Variants in SPSB4 observed in about 807,000 individuals in gnomAD.
SPSB4 encodes the protein splA/ryanodine receptor domain and SOCS box containing 4.
In SPSB4, 21 loss-of-function variants were observed where a neutral mutation model predicts 20.9. The ratio of observed to expected loss-of-function variants is 1.01; its 90% confidence interval spans 0.71 to 1.45. The LOEUF (loss-of-function observed/expected upper bound fraction) is 1.45. Ranked by LOEUF, SPSB4 falls within the 40% of genes most tolerant of loss-of-function variation. The pLI is 0.00. For synonymous variants in SPSB4, 207 were observed against 183.8 expected (o/e 1.13, Z -1.02); for missense variants, 399 against 399.2 (o/e 1.00, Z 0.00).
At chr3:141,108,943 C>T (rs1938749191) in intron 2 of SPSB4, among the ~76,000 whole-genome samples, 1 of 152,202 alleles carries the variant, frequency 6.6e-6, no homozygotes, top group African/African-American at 2.4e-5. Flanking sequence ...GTCCAAGGTG[C>T]ATACGAGGAA....
Position 141,065,982 on chromosome 3 carries a change from G to C in SPSB4, c.-123G>C. 6 of 881,802 alleles carry C rather than the reference G, an allele frequency of 6.8e-6. No individual in the cohort carries two copies. The highest frequency in any genetic ancestry group is 9.7e-6 in the Non-Finnish European group (6 of 618,136). 54.6% of individuals were successfully genotyped at this position (881,802 alleles called of 1,614,324 possible). ...TGGGCCCCTGCCGCAGCCCGGTAGA[G>C]GCTGTGGAGGTCTACCGTCCGGAAG... On this transcript the variant is annotated 5_prime_UTR_variant, in exon 2 of 3. Coordinates refer to ENST00000310546, the MANE Select transcript of SPSB4 (RefSeq NM_080862.3).
At chr3:141,052,959 G>T (rs1936121580) in intron 1 of SPSB4, among the ~76,000 whole-genome samples, 1 of 152,230 alleles carries the variant, frequency 6.6e-6, no homozygotes, top group South Asian at 2.1e-4. Flanking sequence ...ACGGCTGCCG[G>T]CAGGAAGGAG....
At chr3:141,105,827 T>A (rs534625342) in intron 2 of SPSB4, among the ~76,000 whole-genome samples, 3 of 152,244 alleles carry the variant, frequency 2.0e-5, no homozygotes, top group African/African-American at 4.8e-5. Flanking sequence ...CTACGTTTTT[T>A]AAAAAAATTT....
intron 1 of SPSB4, among the ~76,000 whole-genome samples, chr3:141,055,793 G>A (rs1038059442): frequency 5.1e-4 from 78 of 152,316 alleles, no homozygotes; most frequent in African/African-American, 1.6e-3. Flanking sequence ...CAGATGTCCC[G>A]CAGGGCTGAG....
chr3:141,052,821 T>C (rs1282328310), intron 1 of SPSB4, among the ~76,000 whole-genome samples: 22 of 152,014 alleles, frequency 1.4e-4, no homozygotes, highest in Admixed American at 1.4e-3. Context: ...GCGCGGCAAA[T>C]GTGTCCGCCC....
chr3:141,086,237 A>C (rs570844786), intron 2 of SPSB4, among the ~76,000 whole-genome samples: 1 of 152,330 alleles, frequency 6.6e-6, no homozygotes, highest in South Asian at 2.1e-4. Context: ...AAAGGGGGTA[A>C]TACTACCTTC....
At chr3:141,116,028 CT>C (rs61549692) in intron 2 of SPSB4, among the ~76,000 whole-genome samples, 1,628 of 152,302 alleles carry the variant, frequency 0.011, 36 homozygotes, top group African/African-American at 0.037. Flanking sequence ...ATTAGAAGGC[CT>C]TCATATTAAG....
chr3:141,119,465 A>G (rs1026116334), intron 2 of SPSB4, among the ~76,000 whole-genome samples: 74 of 152,234 alleles, frequency 4.9e-4, no homozygotes, highest in African/African-American at 1.7e-3. Flanking sequence ...CTCTTTTCCT[A>G]ATTGAATACC....
At chr3:141,061,351 G>A (rs571315023) in intron 1 of SPSB4, among the ~76,000 whole-genome samples, 17 of 152,100 alleles carry the variant, frequency 1.1e-4, no homozygotes, top group African/African-American at 4.1e-4. Flanking sequence ...AATGAGATAG[G>A]AGAAAGAGGT....
At chr3:141,133,505 C>G (rs1237281130) in intron 2 of SPSB4, among the ~76,000 whole-genome samples, 1 of 152,138 alleles carries the variant, frequency 6.6e-6, no homozygotes, top group Non-Finnish European at 1.5e-5. Flanking sequence ...CATTCTTCAA[C>G]ATGTGACTTG....
Position 141,102,968 on chromosome 3 carries a change from A to G in SPSB4, c.694+36170A>G, listed in dbSNP as rs1171777300. On this transcript the variant is annotated intron_variant, in intron 2 of 2. Coordinates refer to ENST00000310546, the MANE Select transcript of SPSB4 (RefSeq NM_080862.3). ...GGACTCCCCTCTATTCCCAGACCCT[A>G]AAAGAGGATTTCCTGCAGCCCAAAC... Among the ~76,000 whole-genome samples, 6 of 152,280 alleles carry G rather than the reference A, an allele frequency of 3.9e-5. No homozygotes were observed. The East Asian group carries it at 9.6e-4, about 24-fold the overall frequency.
At chr3:141,115,513 A>G (rs534280547) in intron 2 of SPSB4, among the ~76,000 whole-genome samples, 86 of 152,308 alleles carry the variant, frequency 5.6e-4, no homozygotes, top group African/African-American at 2.0e-3. Flanking sequence ...CCCACTATTC[A>G]GTTAGGTTAC....
chr3:141,137,110 T>C (rs1939241907), intron 2 of SPSB4, among the ~76,000 whole-genome samples: 1 of 152,194 alleles, frequency 6.6e-6, no homozygotes, highest in South Asian at 2.1e-4. Context: ...CAACTTTGAA[T>C]GGGAGTTCAC....
chr3:141,101,620 T>C lies in SPSB4; in HGVS notation c.694+34822T>C, dbSNP rs528584418. ...TAAGGATTAAATAATAGAATGGGTA[T>C]AAACTGCCCAGGACGGTGCTGGCAC... On this transcript the variant is annotated intron_variant, in intron 2 of 2. Coordinates refer to ENST00000310546, the MANE Select transcript of SPSB4 (RefSeq NM_080862.3). Among the ~76,000 whole-genome samples the C allele has an allele frequency of 1.4e-4, 22 of 152,318 alleles. No individual in the cohort carries two copies. The South Asian group carries it at 4.1e-3, about 29-fold the overall frequency.
At chr3:141,077,309 A>G (rs1300687283) in intron 2 of SPSB4, 1 of 152,142 alleles carries the variant, frequency 6.6e-6, no homozygotes, top group African/African-American at 2.4e-5. Flanking sequence ...GCTGCTTTCT[A>G]TAAATAGAGC....
chr3:141,111,273 TTAAAG>T (rs1223509751), intron 2 of SPSB4, among the ~76,000 whole-genome samples: 172 of 151,966 alleles, frequency 1.1e-3, no homozygotes, highest in African/African-American at 3.9e-3. Flanking sequence ...TGTAGAAATA[TTAAAG>T]TGTTTGGTTG....
At chr3:141,125,207 T>A (rs139154783) in intron 2 of SPSB4, among the ~76,000 whole-genome samples, 1 of 152,324 alleles carries the variant, frequency 6.6e-6, no homozygotes, top group Non-Finnish European at 1.5e-5. Context: ...TATGAAGAAC[T>A]GATTCCTCTA....
chr3:141,111,813 G>C (rs1325425266), intron 2 of SPSB4, among the ~76,000 whole-genome samples: 1 of 152,088 alleles, frequency 6.6e-6, no homozygotes, highest in African/African-American at 2.4e-5. Context: ...AATGTGATGT[G>C]CCCCTTCCAT....
intron 2 of SPSB4, among the ~76,000 whole-genome samples, chr3:141,141,906 T>C (rs951477688): frequency 4.6e-5 from 7 of 152,240 alleles, no homozygotes; most frequent in African/African-American, 1.7e-4. Flanking sequence ...CTGTTTTGTT[T>C]CTAATTGAAC....
Sources: gnomAD v4.1 joint callset for allele counts (sites outside exome capture counted in the v4.1 genomes callset) on GRCh38, gnomAD v4.1.1 for gene constraint, MANE v1.5 for transcripts, NCBI Gene and HGNC (gene_info 2026-07-23, HGNC 2026-07-21) for gene names.